The following ZNF462 variants were observed in gnomAD, a reference collection of about 807,000 sequenced individuals.
ZNF462 encodes the protein zinc finger PBX1-interacting protein.
ZNF462 carries 10 observed loss-of-function variants against 201.9 expected under a neutral mutation model. The observed-to-expected ratio is 0.05, with a 90% confidence interval of 0.03 to 0.08. The LOEUF (loss-of-function observed/expected upper bound fraction) is 0.08, where lower values mean the gene tolerates loss of function less well. Ranked by LOEUF, ZNF462 falls within the 10% of genes least tolerant of loss-of-function variation. ZNF462 has a pLI of 1.00. For missense variants in ZNF462, 2,523 were observed against 3,168.3 expected (o/e 0.80, Z 4.89); for synonymous variants, 1,227 against 1,193.3 (o/e 1.03, Z -0.58).
rs1282668802 is a variant in ZNF462, at chr9:106,968,031, C to G, written c.6428-3974C>G. ...AACCTTTCTATCACTTTCTCTCTTT[C>G]CTCTCTACTATGTGTTTATTGCTGA... On this transcript the variant is annotated intron_variant, in intron 7 of 12. Coordinates refer to ENST00000277225, the MANE Select transcript of ZNF462 (RefSeq NM_021224.6). This position sits in a 1 kb window ranked among gnomAD's most constrained non-coding sequence, Gnocchi z 4.0. Among the ~76,000 whole-genome samples, 1 of 152,092 alleles carries G rather than the reference C, an allele frequency of 6.6e-6. No homozygotes were observed. The highest frequency in any genetic ancestry group is 1.5e-5 in the Non-Finnish European group (1 of 67,996).
chr9:106,949,257 G>A (rs1831236897), intron 7 of ZNF462, among the ~76,000 whole-genome samples: 1 of 152,184 alleles, frequency 6.6e-6, no homozygotes, highest in Non-Finnish European at 1.5e-5. Flanking sequence ...TCCGAGGTCA[G>A]GGACCATTTC....
chr9:106,948,201 G>A (rs987094048), intron 7 of ZNF462, among the ~76,000 whole-genome samples: 6 of 152,128 alleles, frequency 3.9e-5, no homozygotes, highest in Non-Finnish European at 8.8e-5. Context: ...AGGATGTGTG[G>A]TGAGGTTAGT....
rs1830508633 is a variant in ZNF462 at position 106,933,592 on chromosome 9, GTCT to G, written c.6116+1044_6116+1046del. On this transcript the variant is annotated intron_variant, in intron 5 of 12. Transcript: ENST00000277225. This position sits in a 1 kb window ranked among gnomAD's most constrained non-coding sequence, Gnocchi z 4.3. ...GGGAAATATAAAGACACAGGCCATGGTCTGTGGCCAGGGGAATTTAGGGTCAAG... is the reference window on the plus strand; with the variant it reads ...GGGAAATATAAAGACACAGGCCATGGGTGGCCAGGGGAATTTAGGGTCAAG... Among the ~76,000 whole-genome samples the G allele has an allele frequency of 6.6e-6, 1 of 152,086 alleles. No individual in the cohort carries two copies. The highest frequency in any genetic ancestry group is 1.5e-5 in the Non-Finnish European group (1 of 68,004).
At chr9:106,914,219 C>G (rs550381068) in intron 1 of ZNF462, among the ~76,000 whole-genome samples, 23 of 151,338 alleles carry the variant, frequency 1.5e-4, no homozygotes, top group African/African-American at 5.6e-4. Context: ...CAGCCAGGAC[C>G]CCATAAAGGG....
At chr9:106,995,197 A>G (rs200279029) in intron 10 of ZNF462, among the ~76,000 whole-genome samples, 1 of 152,078 alleles carries the variant, frequency 6.6e-6, no homozygotes, top group Non-Finnish European at 1.5e-5. Flanking sequence ...AGTGTCTCCA[A>G]ATAAGTGATT....
intron 1 of ZNF462, among the ~76,000 whole-genome samples, chr9:106,877,584 G>C (rs763886765): frequency 1.4e-4 from 21 of 151,882 alleles, no homozygotes; most frequent in Non-Finnish European, 1.3e-4. Flanking sequence ...GTTTCAGCAT[G>C]TTGGCCACGC....
intron 1 of ZNF462, among the ~76,000 whole-genome samples, chr9:106,898,069 G>GTT (rs1335310164): frequency 2.0e-5 from 3 of 152,216 alleles, no homozygotes; most frequent in African/African-American, 7.2e-5. Flanking sequence ...AGGGATGCAT[G>GTT]TTATCATCAG....
At chr9:106,994,041 C>T (rs1040809728) in intron 10 of ZNF462, among the ~76,000 whole-genome samples, 1 of 152,108 alleles carries the variant, frequency 6.6e-6, no homozygotes, top group Non-Finnish European at 1.5e-5. Flanking sequence ...CTTTATGGTT[C>T]TGAACTCTCT....
In ZNF462 at chr9:106,923,750, C is replaced by G; in HGVS notation, c.220+147C>G. 1.3e-6 allele frequency: 1 copy of G among 748,316 alleles called. No homozygotes were observed. The highest frequency in any genetic ancestry group is 1.9e-5 in the South Asian group (1 of 53,970). The allele number at this position is 748,316 out of a possible 1,614,324, so 46.4% of individuals were successfully genotyped here. A position where few individuals can be genotyped will look rare whatever the true frequency, so the allele number is the denominator to read the frequency against. On this transcript the variant is annotated intron_variant, in intron 2 of 12. Coordinates refer to ENST00000277225, the MANE Select transcript of ZNF462 (RefSeq NM_021224.6). This position sits in a 1 kb window ranked among gnomAD's most constrained non-coding sequence, Gnocchi z 5.6. ...TTTTTGTGGTTTGGGCATCATGTAT[C>G]TCTCCTTGAGTACCTTAGGTTTTAT...
intron 1 of ZNF462, among the ~76,000 whole-genome samples, chr9:106,868,719 C>T (rs755109557): frequency 5.3e-5 from 8 of 152,086 alleles, no homozygotes; most frequent in Non-Finnish European, 1.0e-4. Flanking sequence ...CAGTTGTAAC[C>T]GAGCCAGGCC....
Position 107,009,714 on chromosome 9 carries a change from AGGG to A in ZNF462, c.7313+47_7313+49del. ...GATGCCTTTGTCCAAAGCAAGAGGT[AGGG>A]AGGGAGGGAGGGGCTCTTGTTTTGG... is the stretch of plus-strand genomic sequence containing the variant. On this transcript the variant is annotated intron_variant, in intron 12 of 12. Coordinates refer to ENST00000277225, the MANE Select transcript of ZNF462 (RefSeq NM_021224.6). This position sits in a 1 kb window ranked among gnomAD's most constrained non-coding sequence, Gnocchi z 6.1. 1 of 548,140 alleles carries A rather than the reference AGGG, an allele frequency of 1.8e-6. No individual in the cohort carries two copies. The highest frequency in any genetic ancestry group is 2.0e-5 in the African/African-American group (1 of 50,580). The allele number at this position is 548,140 out of a possible 1,614,324, so 34.0% of individuals were successfully genotyped here. A position where few individuals can be genotyped will look rare whatever the true frequency, so the allele number is the denominator to read the frequency against.
Position 106,872,566 on chromosome 9 carries a change from T to C in ZNF462, c.-31+9211T>C, listed in dbSNP as rs1047271616. Among the ~76,000 whole-genome samples, 1 of 152,168 alleles carries C rather than the reference T, an allele frequency of 6.6e-6. No homozygotes were observed. The highest frequency in any genetic ancestry group is 1.5e-5 in the Non-Finnish European group (1 of 68,028). ...TTAGTAGAGACGGGGTTTCACTGTG[T>C]TGTCCAGGCTGGTCTCGAACTCCTG... is the stretch of plus-strand genomic sequence containing the variant. On this transcript the variant is annotated intron_variant, in intron 1 of 12. Coordinates refer to ENST00000277225, the MANE Select transcript of ZNF462 (RefSeq NM_021224.6). The surrounding 1 kb of genome is among the most constrained non-coding windows in gnomAD (Gnocchi z 4.5).
intron 10 of ZNF462, among the ~76,000 whole-genome samples, chr9:106,985,689 G>C (rs1245611885): frequency 2.0e-5 from 3 of 152,168 alleles, no homozygotes; most frequent in African/African-American, 7.2e-5. Context: ...ATCCTCATGA[G>C]TGGAAATATA....
intron 10 of ZNF462, among the ~76,000 whole-genome samples, chr9:106,991,230 A>G (rs576502168): frequency 2.6e-5 from 4 of 152,148 alleles, no homozygotes; most frequent in East Asian, 1.9e-4. Flanking sequence ...TAAAATCAAT[A>G]TACAAAAATC....
In ZNF462 at chr9:106,927,422, C is replaced by G; in HGVS notation, c.3510C>G (p.Pro1170=). 6.2e-7 allele frequency: 1 copy of G among 1,614,042 alleles called. No homozygotes were observed. Among genetic ancestry groups the G allele is most frequent in the South Asian group, 1.1e-5 (1 of 91,056 alleles). ...VEGPQGSPRP[P]APIQQLNRSS... is the part of the protein sequence containing the mutation. ...GGCCCCAAGGCTCCCCCCGGCCACC[C>G]GCCCCCATACAACAGCTGAACCGAA... The change falls in exon 3 of 13, where the codon CCC becomes CCG. Residue 1170 remains proline (P), a synonymous_variant. Coordinates refer to ENST00000277225, the MANE Select transcript of ZNF462 (RefSeq NM_021224.6).
rs1323646346 is a variant in ZNF462 at position 106,923,860 on chromosome 9, A to G, written c.220+257A>G. 6.6e-6 allele frequency among the ~76,000 whole-genome samples: 1 copy of G among 152,200 alleles called. No homozygotes were observed. Among genetic ancestry groups the G allele is most frequent in the African/African-American group, 2.4e-5 (1 of 41,436 alleles). On this transcript the variant is annotated intron_variant, in intron 2 of 12. Coordinates refer to ENST00000277225, the MANE Select transcript of ZNF462 (RefSeq NM_021224.6). This position sits in a 1 kb window ranked among gnomAD's most constrained non-coding sequence, Gnocchi z 5.6. Reference sequence around the variant, plus strand: ...GGAAAGTTCTAGAAAAAGTAGTACAATTTATGCAACTTGTATTTTTATAGC... The same window carrying G: ...GGAAAGTTCTAGAAAAAGTAGTACAGTTTATGCAACTTGTATTTTTATAGC...
At chr9:106,960,762 T>A (rs1831797062) in intron 7 of ZNF462, among the ~76,000 whole-genome samples, 1 of 152,104 alleles carries the variant, frequency 6.6e-6, no homozygotes. Context: ...CAAATATCAT[T>A]TAATGAAGAA....
chr9:106,926,979 T>C lies in ZNF462; in HGVS notation c.3067T>C (p.Leu1023=). 1.2e-6 allele frequency: 2 copies of C among 1,614,164 alleles called. No individual in the cohort carries two copies. Among genetic ancestry groups the C allele is most frequent in the South Asian group, 2.2e-5 (2 of 91,082 alleles). Residue 1023 remains leucine, a synonymous_variant, in exon 3 of 13, where the codon TTG becomes CTG. Transcript: ENST00000277225. This position sits in a 1 kb window ranked among gnomAD's most constrained non-coding sequence, Gnocchi z 7.9. ...TPECENQKDP[L]VNTVVVYDCD... ...TGAATGTGAAAATCAGAAGGACCCT[T>C]TGGTCAACACTGTTGTTGTTTATGA...
At position 107,009,439 on chromosome 9, in the gene ZNF462, G is replaced by T; in HGVS notation, c.7190-106G>T. 1 of 1,461,912 alleles carries T rather than the reference G, an allele frequency of 6.8e-7. No homozygotes were observed. The highest frequency in any genetic ancestry group is 2.3e-5 in the East Asian group (1 of 42,752). 90.6% of individuals were successfully genotyped at this position (1,461,912 alleles called of 1,614,324 possible). A position where few individuals can be genotyped will look rare whatever the true frequency, so the allele number is the denominator to read the frequency against. Reference sequence around the variant, plus strand: ...AATCTGGAAATTGCTTTCACCACATGGCTTTATCAGTGAAGGTAGGAGAGA... The same window carrying T: ...AATCTGGAAATTGCTTTCACCACATTGCTTTATCAGTGAAGGTAGGAGAGA... On this transcript the variant is annotated intron_variant, in intron 11 of 12. Coordinates refer to ENST00000277225, the MANE Select transcript of ZNF462 (RefSeq NM_021224.6). This position sits in a 1 kb window ranked among gnomAD's most constrained non-coding sequence, Gnocchi z 6.1.
Sources: gnomAD v4.1 joint callset for allele counts (sites outside exome capture counted in the v4.1 genomes callset) on GRCh38, gnomAD v4.1.1 for gene constraint, Gnocchi (gnomAD v3.1) non-coding constraint, MANE v1.5 for transcripts, NCBI Gene and HGNC (gene_info 2026-07-23, HGNC 2026-07-21) for gene names.